Variants in RSRC1 observed in about 807,000 individuals in gnomAD.
RSRC1 encodes serine/Arginine-related protein 53.
A neutral mutation model predicts 49.1 loss-of-function variants in RSRC1; 39 were observed. The observed-to-expected ratio is 0.79, with a 90% confidence interval of 0.61 to 1.04. The LOEUF is 1.04. Ranked by LOEUF, RSRC1 falls within the 50% of genes least tolerant of loss-of-function variation. The pLI is 0.00. For synonymous variants in RSRC1, 143 were observed against 130.8 expected (o/e 1.09, Z -0.63); for missense variants, 388 against 402.4 (o/e 0.96, Z 0.31).
chr3:158,479,821 C>A (rs138739453), intron 7 of RSRC1, among the ~76,000 whole-genome samples: 77 of 152,150 alleles, frequency 5.1e-4, no homozygotes, highest in African/African-American at 1.7e-3. Context: ...ATACCCTTAA[C>A]ATTGGCCTAA....
At chr3:158,524,888 T>G (rs1285970943) in intron 7 of RSRC1, among the ~76,000 whole-genome samples, 1 of 151,968 alleles carries the variant, frequency 6.6e-6, no homozygotes, top group Admixed American at 6.6e-5. Flanking sequence ...TACATAAGAA[T>G]TAGCTTTAGT....
At chr3:158,396,040 C>T (rs1560024377) in intron 6 of RSRC1, among the ~76,000 whole-genome samples, 1 of 152,152 alleles carries the variant, frequency 6.6e-6, no homozygotes, top group African/African-American at 2.4e-5. Flanking sequence ...TAGAGCAACA[C>T]AGTTGGAGCT....
intron 6 of RSRC1, among the ~76,000 whole-genome samples, chr3:158,434,566 A>G (rs188700103): frequency 4.6e-5 from 7 of 152,140 alleles, no homozygotes; most frequent in Admixed American, 1.3e-4. Flanking sequence ...TAACATTCCA[A>G]CAGACAGAAG....
Position 158,354,728 on chromosome 3 carries a change from T to C in RSRC1, c.532-129T>C, listed in dbSNP as rs1431502421. The C allele has an allele frequency of 4.7e-6, 3 of 641,568 alleles. No homozygotes were observed. The African/African-American group carries it at 5.8e-5, about 12-fold the overall frequency. 39.7% of individuals were successfully genotyped at this position (641,568 alleles called of 1,614,324 possible). On this transcript the variant is annotated intron_variant, in intron 5 of 9. Coordinates refer to ENST00000611884, the MANE Select transcript of RSRC1 (RefSeq NM_001271838.2). ...AAGTGCAAGATGTGATGGATTTTAA[T>C]ATAAATTATGTTAAAGCTCTTTAAA...
chr3:158,147,204 C>T (rs1277746493), intron 3 of RSRC1, among the ~76,000 whole-genome samples: 2 of 145,652 alleles, frequency 1.4e-5, no homozygotes, highest in Non-Finnish European at 3.0e-5. Context: ...TCTCTACCCG[C>T]TAAAAGGAAA....
intron 3 of RSRC1, among the ~76,000 whole-genome samples, chr3:158,195,702 A>G (rs1399818256): frequency 6.6e-6 from 1 of 152,202 alleles, no homozygotes; most frequent in Non-Finnish European, 1.5e-5. Context: ...ATCCAGTTTC[A>G]GCTTTCTACA....
intron 3 of RSRC1, among the ~76,000 whole-genome samples, chr3:158,165,278 A>G (rs1250686582): frequency 6.6e-6 from 1 of 152,226 alleles, no homozygotes; most frequent in African/African-American, 2.4e-5. Flanking sequence ...TAAATGCATT[A>G]AGGTGAAGTA....
chr3:158,214,590 T>A (rs1186805768), intron 4 of RSRC1, among the ~76,000 whole-genome samples: 1 of 151,844 alleles, frequency 6.6e-6, no homozygotes, highest in African/African-American at 2.4e-5. Context: ...TAAGCACTGC[T>A]TGAGCTACAT....
chr3:158,255,637 T>C (rs1236768297), intron 4 of RSRC1, among the ~76,000 whole-genome samples: 1 of 152,234 alleles, frequency 6.6e-6, no homozygotes, highest in Admixed American at 6.5e-5. Context: ...TGGCATTGAA[T>C]CTATAAATTA....
chr3:158,435,996 T>C (rs1736021638), intron 6 of RSRC1, among the ~76,000 whole-genome samples: 1 of 151,932 alleles, frequency 6.6e-6, no homozygotes, highest in African/African-American at 2.4e-5. Context: ...GAATGTCCTT[T>C]CTTGTCTTAA....
intron 3 of RSRC1, among the ~76,000 whole-genome samples, chr3:158,201,309 A>G (rs1721033696): frequency 6.6e-6 from 1 of 152,016 alleles, no homozygotes; most frequent in African/African-American, 2.4e-5. Context: ...AGTTTTTATC[A>G]ATTTGACTGT....
chr3:158,422,704 T>C (rs921106683), intron 6 of RSRC1, among the ~76,000 whole-genome samples: 5 of 150,784 alleles, frequency 3.3e-5, no homozygotes, highest in Non-Finnish European at 5.9e-5. Context: ...AGTGTAAAAG[T>C]GTTCCTATTT....
chr3:158,111,159 G>A (rs968778510), intron 1 of RSRC1, among the ~76,000 whole-genome samples: 45 of 152,280 alleles, frequency 3.0e-4, no homozygotes, highest in African/African-American at 1.1e-3. Flanking sequence ...AGAGTTCCCA[G>A]GTTTAAGATT....
intron 5 of RSRC1, among the ~76,000 whole-genome samples, chr3:158,327,091 A>T (rs9681202): frequency 3.3e-5 from 5 of 151,268 alleles, no homozygotes; most frequent in East Asian, 1.9e-4. Flanking sequence ...GTAATGGGAT[A>T]TATCATTTTT....
chr3:158,241,921 C>G (rs955541772), intron 4 of RSRC1, among the ~76,000 whole-genome samples: 1 of 149,288 alleles, frequency 6.7e-6, no homozygotes, highest in African/African-American at 2.5e-5. Context: ...TTAAAATATA[C>G]AATTTAGTGA....
intron 6 of RSRC1, among the ~76,000 whole-genome samples, chr3:158,408,233 G>A (rs1398500704): frequency 6.6e-6 from 1 of 152,144 alleles, no homozygotes; most frequent in Non-Finnish European, 1.5e-5. Context: ...CCTTCTAACT[G>A]ATGTATTTAG....
intron 5 of RSRC1, among the ~76,000 whole-genome samples, chr3:158,350,041 T>C (rs1357141667): frequency 6.6e-6 from 1 of 151,854 alleles, no homozygotes; most frequent in African/African-American, 2.4e-5. Context: ...CTACCATTTA[T>C]GTTTTAAGGG....
intron 4 of RSRC1, among the ~76,000 whole-genome samples, chr3:158,258,382 A>G (rs1438567801): frequency 6.6e-6 from 1 of 151,410 alleles, no homozygotes; most frequent in Non-Finnish European, 1.5e-5. Context: ...CATATATGTG[A>G]TGCCACTCTC....
intron 6 of RSRC1, among the ~76,000 whole-genome samples, chr3:158,374,384 C>G (rs980041252): frequency 6.6e-6 from 1 of 151,990 alleles, no homozygotes; most frequent in Non-Finnish European, 1.5e-5. Flanking sequence ...GATGAGAGGA[C>G]GGGAGAGGAA....
Sources: gnomAD v4.1 joint callset for allele counts (sites outside exome capture counted in the v4.1 genomes callset) on GRCh38, gnomAD v4.1.1 for gene constraint, MANE v1.5 for transcripts, NCBI Gene and HGNC (gene_info 2026-07-23, HGNC 2026-07-21) for gene names.